Variants in CFAP99 observed in about 807,000 individuals in gnomAD.
The protein encoded by CFAP99 is cilia and flagella associated protein 99, also known as cilia- and flagella-associated protein 99.
A neutral mutation model predicts 82.7 loss-of-function variants in CFAP99; 84 were observed. That is an observed-to-expected ratio of 1.02 (90% confidence interval 0.85 to 1.22). The LOEUF is 1.22. Among genes scored for constraint, CFAP99 ranks in the 50% most tolerant of loss-of-function variants. The pLI is 0.00. For missense variants in CFAP99, 1,059 were observed against 983.5 expected (o/e 1.08, Z -1.03); for synonymous variants, 456 against 429.5 (o/e 1.06, Z -0.76).
rs903019391 is a variant in CFAP99, at chr4:2,462,583, G to C, written c.1802G>C (p.Arg601Pro). Residue 601 changes from arginine to proline, a missense_variant, in exon 15 of 15, where the codon CGG (arginine) becomes CCG (proline). By Grantham distance (103) the Arg-to-Pro change is moderately radical (BLOSUM62 -2). Coordinates refer to ENST00000635017, the Ensembl canonical transcript of CFAP99. This position sits in a 1 kb window ranked among gnomAD's most constrained non-coding sequence, Gnocchi z 4.1. ...GCCTTGCTGCACGTGTCGGCGCCGC[G>C]GACCGCGCGCCCCAAGCCCCGGGTG... is the stretch of plus-strand genomic sequence containing the variant. 2 of 1,428,966 alleles carry C rather than the reference G, an allele frequency of 1.4e-6. No individual in the cohort carries two copies. The highest frequency in any genetic ancestry group is 1.8e-6 in the Non-Finnish European group (2 of 1,094,416). 88.5% of individuals were successfully genotyped at this position (1,428,966 alleles called of 1,614,324 possible).
Position 2,425,983 on chromosome 4 carries a change from G to A in CFAP99, c.-17-476G>A, listed in dbSNP as rs552999041. Among the ~76,000 whole-genome samples the A allele has an allele frequency of 2.0e-5, 3 of 152,250 alleles. No individual in the cohort carries two copies. In the East Asian group the frequency reaches 5.8e-4, roughly 30 times the overall value. ...GTGTGATGAGGTCACCCTCACCCAG[G>A]ACCTTCTGCTCCCCAGCAGGGCCTG... On this transcript the variant is annotated intron_variant, in intron 1 of 14. Transcript: ENST00000635017.
intron 1 of CFAP99, among the ~76,000 whole-genome samples, chr4:2,426,149 G>A (rs1242169608): frequency 1.3e-5 from 2 of 152,156 alleles, no homozygotes; most frequent in Non-Finnish European, 2.9e-5. Flanking sequence ...AGGGGCACTC[G>A]GCCAGCTTCG....
intron 8 of CFAP99, chr4:2,450,310 A>C: frequency 2.3e-6 from 1 of 430,972 alleles, no homozygotes; most frequent in Non-Finnish European, 4.3e-6. Context: ...CTCTGTAAGG[A>C]AAAAACAAAC....
chr4:2,449,605 C>A, intron 6 of CFAP99, 65 bp from the exon 7 acceptor site: 1 of 1,428,836 alleles, frequency 7.0e-7, no homozygotes, highest in Non-Finnish European at 9.5e-7. Context: ...TCAGCCCTGG[C>A]ATTTCTAGGC....
chr4:2,462,045 AT>A lies in CFAP99; in HGVS notation c.1662-394del, dbSNP rs1486977937. ...CGTGGCTCACGCCTGTAATCCCAGC[AT>A]TTTGGGAGGCTGAGGTAGGAGAATT... On this transcript the variant is annotated intron_variant, in intron 14 of 14. Transcript: ENST00000635017. This position sits in a 1 kb window ranked among gnomAD's most constrained non-coding sequence, Gnocchi z 4.1. Among the ~76,000 whole-genome samples, 1 of 151,658 alleles carries A rather than the reference AT, an allele frequency of 6.6e-6. No homozygotes were observed. Among genetic ancestry groups the A allele is most frequent in the Non-Finnish European group, 1.5e-5 (1 of 67,916 alleles).
chr4:2,462,532 G>C lies in CFAP99; in HGVS notation c.1751G>C (p.Arg584Thr), dbSNP rs936992465. 5 of 1,471,816 alleles carry C rather than the reference G, an allele frequency of 3.4e-6. No individual in the cohort carries two copies. The Admixed American group carries it at 9.7e-5, about 29-fold the overall frequency. 91.2% of individuals were successfully genotyped at this position (1,471,816 alleles called of 1,614,324 possible). The change falls in exon 15 of 15, where the codon AGG (arginine) becomes ACG (threonine). Residue 584 changes from arginine to threonine, a missense_variant. Coordinates refer to ENST00000635017, the Ensembl canonical transcript of CFAP99. This position sits in a 1 kb window ranked among gnomAD's most constrained non-coding sequence, Gnocchi z 4.1. ...CAGCTGCGGCGCAGGATCTCGGAGA[G>C]GGCGGCCGAGCGCAGCAGGCAGGCG...
At position 2,446,420 on chromosome 4, in the gene CFAP99, T is replaced by A. The variant is rs185570000; in HGVS notation, c.642+1112T>A. ...ATTATTATTATTATTTGAGACAGAG[T>A]CTCGCTCTGTCACCCAGGCTGGAGT... On this transcript the variant is annotated intron_variant, in intron 6 of 14. Transcript: ENST00000635017. The surrounding 1 kb of genome is among the most constrained non-coding windows in gnomAD (Gnocchi z 5.0). 3.4e-4 allele frequency among the ~76,000 whole-genome samples: 52 copies of A among 151,028 alleles called. 1 individual carries two copies. The East Asian group carries it at 9.8e-3, about 28-fold the overall frequency.
chr4:2,462,764 C>T lies in CFAP99; in HGVS notation c.1983C>T (p.Gly661=). ...GATACGCAGCGGCGGGCGCGGGAGG[C>T]GGTGGGGGCGTCCCTGCCCGCGCCG... The change falls in exon 15 of 15, where the codon GGC becomes GGT. Residue 661 remains glycine, a synonymous_variant. Coordinates refer to ENST00000635017, the Ensembl canonical transcript of CFAP99. This position sits in a 1 kb window ranked among gnomAD's most constrained non-coding sequence, Gnocchi z 4.1. The T allele has an allele frequency of 8.0e-7, 1 of 1,249,470 alleles. No individual in the cohort carries two copies. The highest frequency in any genetic ancestry group is 1.0e-6 in the Non-Finnish European group (1 of 993,700). 77.4% of individuals were successfully genotyped at this position (1,249,470 alleles called of 1,614,324 possible).
Position 2,458,542 on chromosome 4 carries a change from C to T in CFAP99, c.1162-181C>T, listed in dbSNP as rs138670367. 3.0e-3 allele frequency among the ~76,000 whole-genome samples: 451 copies of T among 152,286 alleles called. 3 individuals are homozygous for T. Among genetic ancestry groups the T allele is most frequent in the African/African-American group, 9.8e-3 (408 of 41,574 alleles). On this transcript the variant is annotated intron_variant, in intron 11 of 14. Transcript: ENST00000635017. ...GAGAGGACATGAGGTGGAAGTTCCCCGCAGGCCCAACTTCCAGAGCACCGC... is the reference window on the plus strand; with the variant it reads ...GAGAGGACATGAGGTGGAAGTTCCCTGCAGGCCCAACTTCCAGAGCACCGC...
intron 2 of CFAP99, among the ~76,000 whole-genome samples, chr4:2,429,498 G>A (rs1733753804): frequency 6.6e-6 from 1 of 152,190 alleles, no homozygotes; most frequent in East Asian, 1.9e-4. Context: ...GGATATCCAG[G>A]GGGCTGCCCA....
At chr4:2,451,102 A>T in intron 9 of CFAP99, 84 bp downstream of exon 9, 2 of 1,476,170 alleles carry the variant, frequency 1.4e-6, no homozygotes, top group Non-Finnish European at 9.1e-7. Flanking sequence ...GGCTCAGATG[A>T]CCTGAGCTGG....
chr4:2,462,516 C>A lies in CFAP99; in HGVS notation c.1735C>A (p.Arg579Ser). 6.8e-7 allele frequency: 1 copy of A among 1,477,088 alleles called. No homozygotes were observed. The highest frequency in any genetic ancestry group is 8.9e-7 in the Non-Finnish European group (1 of 1,122,520). The allele number at this position is 1,477,088 out of a possible 1,614,324, so 91.5% of individuals were successfully genotyped here. Residue 579 changes from arginine to serine, a missense_variant, in exon 15 of 15, where the codon CGC becomes AGC. Coordinates refer to ENST00000635017, the Ensembl canonical transcript of CFAP99. The surrounding 1 kb of genome is among the most constrained non-coding windows in gnomAD (Gnocchi z 4.1). Reference sequence around the variant, plus strand: ...GGACGAGCGCGTGCAGCAGCTGCGGCGCAGGATCTCGGAGAGGGCGGCCGA... The same window carrying A: ...GGACGAGCGCGTGCAGCAGCTGCGGAGCAGGATCTCGGAGAGGGCGGCCGA...
chr4:2,462,703 G>C lies in CFAP99; in HGVS notation c.1922G>C (p.Gly641Ala). ...GCAGGGACCGGCGTCCCGGGGCGGG[G>C]ATGGCGGGGAGATCGGGTCCGGTCC... Residue 641 changes from glycine (G) to alanine (A), a missense_variant, in exon 15 of 15, where the codon GGA becomes GCA. By Grantham distance (60) the Gly-to-Ala change is moderately conservative. Transcript: ENST00000635017. This position sits in a 1 kb window ranked among gnomAD's most constrained non-coding sequence, Gnocchi z 4.1. The C allele has an allele frequency of 8.0e-7, 1 of 1,253,842 alleles. No individual in the cohort carries two copies. Among genetic ancestry groups the C allele is most frequent in the Non-Finnish European group, 1.0e-6 (1 of 998,338 alleles). The allele number at this position is 1,253,842 out of a possible 1,614,324, so 77.7% of individuals were successfully genotyped here.
At chr4:2,432,541 G>A (rs951401038) in intron 2 of CFAP99, among the ~76,000 whole-genome samples, 2 of 152,186 alleles carry the variant, frequency 1.3e-5, no homozygotes, top group Non-Finnish European at 2.9e-5. Flanking sequence ...CACAAATCCT[G>A]TTGTTAATTA....
intron 1 of CFAP99, among the ~76,000 whole-genome samples, chr4:2,424,289 A>C (rs953399460): frequency 1.3e-5 from 2 of 152,174 alleles, no homozygotes; most frequent in Non-Finnish European, 2.9e-5. Context: ...CATGGTGGCT[A>C]TACAAAAATA....
chr4:2,462,453 A>G lies in CFAP99; in HGVS notation c.1672A>G (p.Lys558Glu), dbSNP rs1201937296. The G allele has an allele frequency of 2.1e-6, 3 of 1,459,412 alleles. No individual in the cohort carries two copies. The highest frequency in any genetic ancestry group is 2.7e-6 in the Non-Finnish European group (3 of 1,116,380). 90.4% of individuals were successfully genotyped at this position (1,459,412 alleles called of 1,614,324 possible). ...CGCGTCGCCCGCCAGGTGGGAGGAA[A>G]AGAAGGCCCTTGCGGCGGCCCCGGC... is the stretch of plus-strand genomic sequence containing the variant. The change falls in exon 15 of 15, where the codon AAG becomes GAG. Residue 558 changes from lysine (K) to glutamate (E), a missense_variant. By Grantham distance (56) the Lys-to-Glu change is moderately conservative. Coordinates refer to ENST00000635017, the Ensembl canonical transcript of CFAP99. The surrounding 1 kb of genome is among the most constrained non-coding windows in gnomAD (Gnocchi z 4.1).
At chr4:2,442,492 C>A (rs1734066192) in intron 4 of CFAP99, among the ~76,000 whole-genome samples, 1 of 152,038 alleles carries the variant, frequency 6.6e-6, no homozygotes, top group African/African-American at 2.4e-5. Flanking sequence ...TGACTGCAGG[C>A]CCTGCCTGGC....
chr4:2,456,961 T>C (rs1261406105), intron 11 of CFAP99, among the ~76,000 whole-genome samples: 6 of 150,006 alleles, frequency 4.0e-5, no homozygotes, highest in Non-Finnish European at 7.4e-5. Context: ...TTTTTTTTTT[T>C]TTTTTTTTTG....
chr4:2,422,053 A>G (rs1373360729), intron 1 of CFAP99, among the ~76,000 whole-genome samples: 1 of 152,182 alleles, frequency 6.6e-6, no homozygotes, highest in Non-Finnish European at 1.5e-5. Flanking sequence ...GGAAAAAAAT[A>G]AAATCAGGCT....
Sources: gnomAD v4.1 joint callset for allele counts (sites outside exome capture counted in the v4.1 genomes callset) on GRCh38, gnomAD v4.1.1 for gene constraint, Gnocchi (gnomAD v3.1) non-coding constraint, MANE v1.5 for transcripts, NCBI Gene and HGNC (gene_info 2026-07-23, HGNC 2026-07-21) for gene names.